Variants in SUCLG1 observed in about 807,000 individuals in gnomAD.
SUCLG1 encodes the protein succinate-CoA ligase GDP/ADP-forming subunit alpha, also known as succinate--CoA ligase [ADP/GDP-forming] subunit alpha, mitochondrial.
In SUCLG1, 26 loss-of-function variants were observed where a neutral mutation model predicts 37.3. That is an observed-to-expected ratio of 0.70 (90% CI 0.51 to 0.97). The LOEUF (loss-of-function observed/expected upper bound fraction) is 0.97. Ranked by LOEUF, SUCLG1 falls within the 50% of genes least tolerant of loss-of-function variation. The pLI, the probability that SUCLG1 is intolerant of heterozygous loss-of-function variation, is 0.00. For synonymous variants in SUCLG1, 163 were observed against 155.6 expected (o/e 1.05, Z -0.36); for missense variants, 433 against 432.9 (o/e 1.00, Z 0.00).
At chr2:84,431,352 G>A (rs1447651788) in intron 7 of SUCLG1, among the ~76,000 whole-genome samples, 156 bp downstream of exon 7, 4 of 152,092 alleles carry the variant, frequency 2.6e-5, no homozygotes, top group Non-Finnish European at 5.9e-5. Flanking sequence ...AAATAATACA[G>A]AATTGTCTGA....
In SUCLG1 at chr2:84,423,771, T is replaced by G. The variant is rs2104234700; in HGVS notation, c.1016A>C (p.Glu339Ala). The change falls in exon 9 of 9, where the codon GAA becomes GCA. Residue 339 changes from glutamate to alanine, a missense_variant and splice_region_variant. Glu to Ala is a moderately radical substitution (Grantham distance 107). Coordinates refer to ENST00000393868, the MANE Select transcript of SUCLG1 (RefSeq NM_003849.4). ...TCATAGCATCTTCCTCTTTTCAAATTCCTTCAGAAACAGAAGAGAGAGAGA... is the reference window on the plus strand; with the variant it reads ...TCATAGCATCTTCCTCTTTTCAAATGCCTTCAGAAACAGAAGAGAGAGAGA... Reference protein sequence around the residue: ...PAQLGTTIYKEFEKRKML With the variant: ...PAQLGTTIYKAFEKRKML 1 of 1,606,666 alleles carries G rather than the reference T, an allele frequency of 6.2e-7. No homozygotes were observed. Among genetic ancestry groups the G allele is most frequent in the Non-Finnish European group, 8.5e-7 (1 of 1,175,920 alleles).
chr2:84,456,477 T>C (rs926439057), intron 1 of SUCLG1, among the ~76,000 whole-genome samples: 1 of 152,202 alleles, frequency 6.6e-6, no homozygotes, highest in African/African-American at 2.4e-5. Flanking sequence ...TCCCTATTTA[T>C]TCTAAAAGAT....
At chr2:84,445,156 T>C (rs1021284435) in intron 2 of SUCLG1, among the ~76,000 whole-genome samples, 2 of 152,198 alleles carry the variant, frequency 1.3e-5, no homozygotes, top group Non-Finnish European at 2.9e-5. Context: ...CATGAAATCA[T>C]CACAATTTAT....
At chr2:84,446,779 ATGTT>A (rs1314395258) in intron 2 of SUCLG1, among the ~76,000 whole-genome samples, 4 of 152,224 alleles carry the variant, frequency 2.6e-5, no homozygotes, top group Non-Finnish European at 1.5e-5. Context: ...AAAAGTAAAA[ATGTT>A]TGTATGACAT....
intron 1 of SUCLG1, among the ~76,000 whole-genome samples, chr2:84,450,504 C>T (rs989175919): frequency 1.3e-5 from 2 of 151,574 alleles, no homozygotes; most frequent in African/African-American, 2.4e-5. Context: ...CAGCTCCCCA[C>T]ATTTCAAAAC....
intron 8 of SUCLG1, among the ~76,000 whole-genome samples, chr2:84,424,458 A>G (rs748968063): frequency 6.6e-6 from 1 of 152,216 alleles, no homozygotes; most frequent in Non-Finnish European, 1.5e-5. Context: ...CTAAGCACCT[A>G]GATTTCTTTC....
chr2:84,445,572 A>G (rs1016679500), intron 2 of SUCLG1, among the ~76,000 whole-genome samples: 1 of 152,162 alleles, frequency 6.6e-6, no homozygotes, highest in African/African-American at 2.4e-5. Flanking sequence ...ACCCCATCTC[A>G]GTTAAAGACA....
chr2:84,456,643 C>T (rs140020855), intron 1 of SUCLG1, among the ~76,000 whole-genome samples: 13 of 151,844 alleles, frequency 8.6e-5, no homozygotes, highest in African/African-American at 2.9e-4. Flanking sequence ...TTTTCTCTCT[C>T]CACTTCAACT....
At position 84,456,430 on chromosome 2, in the gene SUCLG1, T is replaced by C. The variant is rs548601573; in HGVS notation, c.97+2743A>G. On this transcript the variant is annotated intron_variant, in intron 1 of 8. Coordinates refer to ENST00000393868, the MANE Select transcript of SUCLG1 (RefSeq NM_003849.4). The stretch of plus-strand genomic sequence containing the variant: ...TAAGGTTTACTTTCTGGCATTAAAA[T>C]ACCAAAATTCTGAGGTTCAAAAATA... Among the ~76,000 whole-genome samples, 29 of 152,306 alleles carry C rather than the reference T, an allele frequency of 1.9e-4. No individual in the cohort carries two copies. In the Middle Eastern group the frequency reaches 0.014, roughly 71 times the overall value.
At chr2:84,454,266 A>AT (rs1672986741) in intron 1 of SUCLG1, among the ~76,000 whole-genome samples, 1 of 152,266 alleles carries the variant, frequency 6.6e-6, no homozygotes, top group Non-Finnish European at 1.5e-5. Flanking sequence ...ATGTCTGCAT[A>AT]TAATGTGCAG....
intron 1 of SUCLG1, among the ~76,000 whole-genome samples, chr2:84,452,334 A>G (rs1672954037): frequency 6.6e-6 from 1 of 152,220 alleles, no homozygotes; most frequent in Non-Finnish European, 1.5e-5. Flanking sequence ...AATTTAGAAC[A>G]CAAGGCATAC....
intron 5 of SUCLG1, among the ~76,000 whole-genome samples, chr2:84,434,471 C>G (rs1363267193): frequency 1.3e-5 from 2 of 152,080 alleles, no homozygotes; most frequent in Non-Finnish European, 2.9e-5. Context: ...GGAGGAGAGC[C>G]AGTGGGGGCC....
At chr2:84,430,109 G>C (rs529866449) in intron 7 of SUCLG1, among the ~76,000 whole-genome samples, 1 of 152,192 alleles carries the variant, frequency 6.6e-6, no homozygotes, top group Non-Finnish European at 1.5e-5. Context: ...AAACCAGAAA[G>C]AAACCAAGAG....
chr2:84,437,502 C>G (rs1672705883), intron 5 of SUCLG1, among the ~76,000 whole-genome samples: 1 of 152,218 alleles, frequency 6.6e-6, no homozygotes, highest in African/African-American at 2.4e-5. Context: ...TCACTAAACA[C>G]TTACCAGAAT....
chr2:84,437,913 C>T (rs1672711745), intron 5 of SUCLG1, among the ~76,000 whole-genome samples: 1 of 152,160 alleles, frequency 6.6e-6, no homozygotes, highest in Non-Finnish European at 1.5e-5. Context: ...ACACAACAAG[C>T]TGGATGAATC....
chr2:84,442,639 A>C (rs549476657), intron 3 of SUCLG1, among the ~76,000 whole-genome samples: 2 of 152,228 alleles, frequency 1.3e-5, no homozygotes, highest in African/African-American at 2.4e-5. Context: ...AAAAGTACCT[A>C]TCAGTTTTGT....
chr2:84,449,047 C>A (rs1672894484), intron 2 of SUCLG1: 2 of 257,044 alleles, frequency 7.8e-6, no homozygotes, highest in South Asian at 4.2e-5. Context: ...TACACAAAAT[C>A]TATGAAAAGA....
chr2:84,428,868 T>C (rs1672574669), intron 7 of SUCLG1, among the ~76,000 whole-genome samples: 1 of 152,226 alleles, frequency 6.6e-6, no homozygotes, highest in African/African-American at 2.4e-5. Context: ...CCTTCCATGG[T>C]GAAATGGAGA....
At chr2:84,458,668 T>C (rs113841170) in intron 1 of SUCLG1, 49 of 152,878 alleles carry the variant, frequency 3.2e-4, no homozygotes, top group African/African-American at 1.2e-3. Flanking sequence ...AGAAACCATC[T>C]TTCCCTGACA....
Sources: allele counts gnomAD v4.1 joint callset (sites outside exome capture counted in the v4.1 genomes callset), GRCh38; gene constraint gnomAD v4.1.1; transcripts MANE v1.5; gene names NCBI Gene and HGNC (gene_info 2026-07-23, HGNC 2026-07-21).